The following RAB27A variants were observed in gnomAD, a reference collection of about 807,000 sequenced individuals.
RAB27A encodes RAB27A, member RAS oncogene family.
In RAB27A, 17 loss-of-function variants were observed where a neutral mutation model predicts 20.8. That is an observed-to-expected ratio of 0.82 (90% CI 0.56 to 1.23). The LOEUF is 1.23. Ranked by LOEUF, RAB27A falls within the 50% of genes most tolerant of loss-of-function variation. The pLI, the probability that RAB27A is intolerant of heterozygous loss-of-function variation, is 0.00. For missense variants in RAB27A, 277 were observed against 266.7 expected, an observed-to-expected ratio of 1.04 and a Z score of -0.27; for synonymous variants, 85 against 92.8, an observed-to-expected ratio of 0.92 and a Z score of 0.48.
At chr15:55,281,510 G>A (rs977692717) in intron 1 of RAB27A, among the ~76,000 whole-genome samples, 4 of 152,200 alleles carry the variant, frequency 2.6e-5, no homozygotes, top group East Asian at 3.9e-4. Context: ...TCAGGAGTTC[G>A]AGACCAGCCT....
rs1356387047 is a variant in RAB27A, at chr15:55,234,809, C to T, written c.126G>A (p.Val42=). The T allele has an allele frequency of 3.1e-6, 5 of 1,611,690 alleles. No individual in the cohort carries two copies. The highest frequency in any genetic ancestry group is 1.6e-4 in the Middle Eastern group (1 of 6,066). The change falls in exon 3 of 7, where the codon GTG becomes GTA. Residue 42 remains valine, a synonymous_variant. Transcript: ENST00000336787. ...GKFNSKFITT[V]GIDFREKRVV... is the part of the protein sequence containing the mutation. The stretch of plus-strand genomic sequence containing the variant: ...CTCTTTTTTCCCTGAAATCAATGCC[C>T]ACTGTTGTGATAAATTTGGAGTTAA...
intron 1 of RAB27A, 64 bp downstream of exon 1, chr15:55,289,652 C>T (rs1051107105): frequency 1.3e-5 from 2 of 152,540 alleles, no homozygotes; most frequent in African/African-American, 4.8e-5. Context: ...AGGGGGACGC[C>T]TCGCTCGGCC....
intron 2 of RAB27A, among the ~76,000 whole-genome samples, chr15:55,237,715 A>G (rs1595703215): frequency 6.6e-6 from 1 of 152,188 alleles, no homozygotes; most frequent in South Asian, 2.1e-4. Flanking sequence ...GCTTCCCCTC[A>G]AACTGAATGG....
chr15:55,205,555 A>G lies in RAB27A; in HGVS notation c.618T>C (p.Ser206=). 1 of 1,614,204 alleles carries G rather than the reference A, an allele frequency of 6.2e-7. No individual in the cohort carries two copies. The change falls in exon 7 of 7, where the codon TCT becomes TCC. Residue 206 remains serine, a synonymous_variant. Transcript: ENST00000336787. ...EGVVRSNGHA[S]TDQLSEEKEK... is the part of the protein sequence containing the mutation. ...CCTTTTCTTCACTTAACTGATCCGT[A>G]GAGGCATGACCATTTGATCGCACCA...
chr15:55,280,016 A>C (rs1173365851), intron 1 of RAB27A, among the ~76,000 whole-genome samples: 1 of 152,204 alleles, frequency 6.6e-6, no homozygotes, highest in African/African-American at 2.4e-5. Flanking sequence ...AGTGGGGCTG[A>C]AAATCTGCAT....
At chr15:55,208,165 T>C (rs1894743178) in intron 6 of RAB27A, among the ~76,000 whole-genome samples, 1 of 152,196 alleles carries the variant, frequency 6.6e-6, no homozygotes, top group Admixed American at 6.5e-5. Flanking sequence ...ATACAATGAA[T>C]TATACAATGC....
intron 2 of RAB27A, among the ~76,000 whole-genome samples, chr15:55,246,443 C>G (rs1009997132): frequency 2.0e-5 from 3 of 150,552 alleles, no homozygotes; most frequent in Non-Finnish European, 4.4e-5. Context: ...TTTATTGAAA[C>G]CATTGACTTC....
At chr15:55,219,062 T>C (rs910827130) in intron 6 of RAB27A, among the ~76,000 whole-genome samples, 5 of 151,934 alleles carry the variant, frequency 3.3e-5, no homozygotes, top group African/African-American at 1.2e-4. Context: ...TTCACATTTT[T>C]CTCTATTTTC....
intron 6 of RAB27A, among the ~76,000 whole-genome samples, chr15:55,210,428 G>C (rs868089118): frequency 1.0e-5 from 1 of 97,926 alleles, no homozygotes; most frequent in Non-Finnish European, 2.0e-5. Flanking sequence ...TTTTTTTTGA[G>C]GGGGGGGGAA....
At chr15:55,316,594 AAAG>A (rs918372858) in intron 1 of RAB27A, among the ~76,000 whole-genome samples, 11 of 152,092 alleles carry the variant, frequency 7.2e-5, no homozygotes, top group African/African-American at 1.7e-4. Flanking sequence ...TTAAAAAAAA[AAAG>A]GAGAAAAAAA....
At chr15:55,290,128 C>T (rs1379818215), upstream of RAB27A, 3 of 152,304 alleles carry the variant, frequency 2.0e-5, no homozygotes, top group Non-Finnish European at 4.4e-5. Context: ...CGGTGCGCGG[C>T]GAGGTGTCGT....
chr15:55,249,161 C>T (rs918524656), intron 2 of RAB27A: 1 of 152,174 alleles, frequency 6.6e-6, no homozygotes, highest in Non-Finnish European at 1.5e-5. Context: ...CTAACTCAGC[C>T]TGTCAGATTA....
intron 2 of RAB27A, among the ~76,000 whole-genome samples, chr15:55,302,403 T>C (rs1244874676): frequency 1.3e-5 from 2 of 151,970 alleles, no homozygotes; most frequent in African/African-American, 4.8e-5. Flanking sequence ...TGGAGTGCAG[T>C]GGCATGATCT....
At chr15:55,316,608 G>T (rs905712909) in intron 1 of RAB27A, among the ~76,000 whole-genome samples, 5 of 150,458 alleles carry the variant, frequency 3.3e-5, no homozygotes, top group Non-Finnish European at 7.4e-5. Flanking sequence ...GAGAAAAAAA[G>T]AAAATACAAA....
intron 6 of RAB27A, among the ~76,000 whole-genome samples, chr15:55,209,796 G>GTGTGTATA (rs1236805681): frequency 8.0e-6 from 1 of 125,332 alleles, no homozygotes; most frequent in Non-Finnish European, 1.6e-5. Flanking sequence ...ATGTGTGTAT[G>GTGTGTATA]TATACATATA....
intron 6 of RAB27A, among the ~76,000 whole-genome samples, chr15:55,209,001 G>A (rs1274110943): frequency 6.6e-6 from 1 of 152,160 alleles, no homozygotes; most frequent in Non-Finnish European, 1.5e-5. Flanking sequence ...AATTGTATCT[G>A]TAAGAAAATT....
In RAB27A at chr15:55,210,429, G is replaced by T. The variant is rs1333227025; in HGVS notation, c.468-4724C>A. ...TAGGTGTGGTTTTTTTTTTTTTGAG[G>T]GGGGGGGAATTACTGCCTATATTTT... On this transcript the variant is annotated intron_variant, in intron 6 of 6. Coordinates refer to ENST00000336787, the MANE Select transcript of RAB27A (RefSeq NM_183235.3). 2.7e-3 allele frequency among the ~76,000 whole-genome samples: 304 copies of T among 113,214 alleles called. 2 individuals are homozygous for T. Among genetic ancestry groups the T allele is most frequent in the African/African-American group, 0.014 (296 of 21,892 alleles). The allele number at this position is 113,214 out of a possible 152,430, so 74.3% of individuals were successfully genotyped here.
At chr15:55,248,602 A>G (rs1365978185) in intron 2 of RAB27A, among the ~76,000 whole-genome samples, 2 of 152,200 alleles carry the variant, frequency 1.3e-5, no homozygotes, top group African/African-American at 4.8e-5. Context: ...TTTTGGTTTC[A>G]CCATAATGTT....
intron 1 of RAB27A, among the ~76,000 whole-genome samples, chr15:55,316,990 C>T (rs1646299362): frequency 6.6e-6 from 1 of 152,158 alleles, no homozygotes; most frequent in African/African-American, 2.4e-5. Flanking sequence ...CTATTGCAAA[C>T]ACCCTTCCCA....
Sources: gnomAD v4.1 joint callset for allele counts (sites outside exome capture counted in the v4.1 genomes callset) on GRCh38, gnomAD v4.1.1 for gene constraint, MANE v1.5 for transcripts, NCBI Gene and HGNC (gene_info 2026-07-23, HGNC 2026-07-21) for gene names.